Variants in WWC2 observed in about 807,000 individuals in gnomAD.
WWC2 encodes the protein WW and C2 domain containing 2.
Under a neutral mutation model 138.5 loss-of-function variants are expected in WWC2, and 101 were observed. That is an observed-to-expected ratio of 0.73 (90% CI 0.62 to 0.86). The LOEUF (loss-of-function observed/expected upper bound fraction) is 0.86, where lower values mean the gene tolerates loss of function less well. Ranked by LOEUF, WWC2 falls within the 40% of genes least tolerant of loss-of-function variation. The probability of loss-of-function intolerance (pLI) is 0.00; values close to 1 mark genes in which losing one functional copy is unlikely to be tolerated. For missense variants in WWC2, 1,420 were observed against 1,419.4 expected, an observed-to-expected ratio of 1.00 and a Z score of -0.01; for synonymous variants, 558 against 538.4, an observed-to-expected ratio of 1.04 and a Z score of -0.50.
chr4:183,200,404 A>G (rs1236998224), intron 2 of WWC2, among the ~76,000 whole-genome samples: 1 of 152,178 alleles, frequency 6.6e-6, no homozygotes, highest in African/African-American at 2.4e-5. Context: ...TTTAACATAC[A>G]TTTTTAATTT....
intron 4 of WWC2, among the ~76,000 whole-genome samples, chr4:183,239,022 C>T (rs1241536247): frequency 6.6e-6 from 1 of 152,104 alleles, no homozygotes; most frequent in African/African-American, 2.4e-5. Flanking sequence ...GTGTTTAAAA[C>T]TTAAGGCTCT....
intron 17 of WWC2, among the ~76,000 whole-genome samples, chr4:183,282,029 T>G (rs1738092745): frequency 6.6e-6 from 1 of 152,194 alleles, no homozygotes; most frequent in Admixed American, 6.5e-5. Flanking sequence ...AAATTAAAGC[T>G]GAACATTTAG....
chr4:183,240,392 C>T lies in WWC2; in HGVS notation c.602+130C>T, dbSNP rs931722859. ...TAAAGTAAAAAAGTTCAGAGCTCTA[C>T]ACCAAAAGAAAATAAAGCAATCAAC... On this transcript the variant is annotated intron_variant, in intron 5 of 22. Coordinates refer to ENST00000403733, the MANE Select transcript of WWC2 (RefSeq NM_024949.6). 29 of 617,658 alleles carry T rather than the reference C, an allele frequency of 4.7e-5. No individual in the cohort carries two copies. In the African/African-American group the frequency reaches 4.9e-4, roughly 11 times the overall value. 38.3% of individuals were successfully genotyped at this position (617,658 alleles called of 1,614,324 possible). A position where few individuals can be genotyped will look rare whatever the true frequency, so the allele number is the denominator to read the frequency against.
At chr4:183,254,219 A>G (rs1420773935) in intron 9 of WWC2, among the ~76,000 whole-genome samples, 1 of 152,226 alleles carries the variant, frequency 6.6e-6, no homozygotes, top group Non-Finnish European at 1.5e-5. Flanking sequence ...ACAGATGTTG[A>G]ATAACTAAGG....
intron 1 of WWC2, among the ~76,000 whole-genome samples, chr4:183,175,289 A>G (rs1460572076): frequency 3.9e-5 from 6 of 152,048 alleles, no homozygotes; most frequent in Non-Finnish European, 8.8e-5. Context: ...TTTTTGAGGC[A>G]GTGTCTCTGT....
intron 1 of WWC2, among the ~76,000 whole-genome samples, chr4:183,168,911 C>T (rs1042667353): frequency 5.9e-5 from 9 of 152,026 alleles, no homozygotes; most frequent in Non-Finnish European, 1.2e-4. Context: ...TGCAATGGCA[C>T]GATCTCGGCT....
At chr4:183,119,695 A>G (rs1056357290) in intron 1 of WWC2, among the ~76,000 whole-genome samples, 2 of 152,246 alleles carry the variant, frequency 1.3e-5, no homozygotes, top group Non-Finnish European at 2.9e-5. Flanking sequence ...TTAAAAACAC[A>G]GATATAACTT....
intron 9 of WWC2, among the ~76,000 whole-genome samples, chr4:183,257,256 T>A (rs1384043039): frequency 1.3e-5 from 2 of 152,136 alleles, no homozygotes; most frequent in Non-Finnish European, 2.9e-5. Context: ...TTCTGAAAAA[T>A]TTTTTAAAGC....
intron 1 of WWC2, among the ~76,000 whole-genome samples, chr4:183,140,159 T>C (rs938248350): frequency 6.6e-6 from 1 of 152,214 alleles, no homozygotes; most frequent in Admixed American, 6.5e-5. Context: ...GTATAGGTGC[T>C]CAATAAATAC....
intron 16 of WWC2, among the ~76,000 whole-genome samples, chr4:183,273,889 T>C (rs574189261): frequency 6.6e-6 from 1 of 152,246 alleles, no homozygotes; most frequent in Admixed American, 6.5e-5. Context: ...TAAAGTCTTA[T>C]ATTTAGGTCT....
intron 22 of WWC2, among the ~76,000 whole-genome samples, chr4:183,313,948 T>C (rs1403512402): frequency 6.6e-6 from 1 of 151,666 alleles, no homozygotes; most frequent in Non-Finnish European, 1.5e-5. Flanking sequence ...TGAGGTTTTG[T>C]ATAGACGAGT....
chr4:183,184,179 C>T (rs1734727345), intron 1 of WWC2, among the ~76,000 whole-genome samples: 1 of 152,100 alleles, frequency 6.6e-6, no homozygotes, highest in Non-Finnish European at 1.5e-5. Flanking sequence ...ACCTACTTTC[C>T]TTTTTTATGC....
At position 183,261,088 on chromosome 4, in the gene WWC2, C is replaced by G. The variant is rs747313721; in HGVS notation, c.1465C>G (p.Leu489Val). 6.2e-7 allele frequency: 1 copy of G among 1,614,008 alleles called. No individual in the cohort carries two copies. Among genetic ancestry groups the G allele is most frequent in the South Asian group, 1.1e-5 (1 of 91,084 alleles). Residue 489 changes from leucine to valine, a missense_variant, in exon 11 of 23, where the codon CTT (leucine) becomes GTT (valine). Leu to Val is a conservative substitution (Grantham distance 32). Transcript: ENST00000403733. ...GGATTATCAGTATAAACTGGACTTC[C>G]TTCTGCAAGAGAAAAGCGGTTACAT... ...DVDYQYKLDFLLQEKSGYIPS... is the reference protein window; with the variant it reads ...DVDYQYKLDFVLQEKSGYIPS...
chr4:183,196,042 G>A (rs1735132601), intron 2 of WWC2, among the ~76,000 whole-genome samples: 1 of 152,054 alleles, frequency 6.6e-6, no homozygotes, highest in South Asian at 2.1e-4. Flanking sequence ...GTTTGAAGGT[G>A]TGAAGCATCT....
chr4:183,216,184 G>A (rs539239529), intron 4 of WWC2, among the ~76,000 whole-genome samples: 1 of 152,268 alleles, frequency 6.6e-6, no homozygotes, highest in South Asian at 2.1e-4. Flanking sequence ...GTATGAAATA[G>A]CTATTTATTG....
At chr4:183,205,750 A>T (rs987678415) in intron 2 of WWC2, among the ~76,000 whole-genome samples, 2 of 152,046 alleles carry the variant, frequency 1.3e-5, no homozygotes, top group Non-Finnish European at 2.9e-5. Context: ...TTAAGGTGTA[A>T]CTTTGCTGTG....
chr4:183,189,334 G>C (rs1306263427), intron 1 of WWC2, among the ~76,000 whole-genome samples: 1 of 151,912 alleles, frequency 6.6e-6, no homozygotes, highest in Non-Finnish European at 1.5e-5. Context: ...CTACTCGAGA[G>C]GCTGAGGCAG....
chr4:183,319,944 A>G lies in WWC2; in HGVS notation c.*4215A>G. 3 of 1,613,446 alleles carry G rather than the reference A, an allele frequency of 1.9e-6. No homozygotes were observed. In the South Asian group the frequency reaches 3.3e-5, roughly 18 times the overall value. Reference sequence around the variant, plus strand: ...AAACCCAGAGACCAGCAGGCCCAGAAATCCCAGCCCATTTGACAGAAACAT... The same window carrying G: ...AAACCCAGAGACCAGCAGGCCCAGAGATCCCAGCCCATTTGACAGAAACAT... On this transcript the variant is annotated 3_prime_UTR_variant, in exon 23 of 23. Transcript: ENST00000403733.
At position 183,207,694 on chromosome 4, in the gene WWC2, A is replaced by G. The variant is rs3924949; in HGVS notation, c.242-259A>G. Among the ~76,000 whole-genome samples the G allele has an allele frequency of 1.4e-3, 206 of 152,296 alleles. 1 individual carries two copies. The highest frequency in any genetic ancestry group is 4.8e-3 in the African/African-American group (200 of 41,556). On this transcript the variant is annotated intron_variant, in intron 2 of 22. Coordinates refer to ENST00000403733, the MANE Select transcript of WWC2 (RefSeq NM_024949.6). ...TTCTGTAGGCACTGGGGAGCCACAGAATTCTTGAATGATCTGATTGACAAC... is the reference window on the plus strand; with the variant it reads ...TTCTGTAGGCACTGGGGAGCCACAGGATTCTTGAATGATCTGATTGACAAC...
Sources: allele counts gnomAD v4.1 joint callset (sites outside exome capture counted in the v4.1 genomes callset), GRCh38; gene constraint gnomAD v4.1.1; transcripts MANE v1.5; gene names NCBI Gene and HGNC (gene_info 2026-07-23, HGNC 2026-07-21).